DACH2: variants seen among roughly 807,000 people sequenced by gnomAD.
DACH2 encodes the protein dachshund family transcription factor 2.
A neutral mutation model predicts 35.8 loss-of-function variants in DACH2; 17 were observed. That is an observed-to-expected ratio of 0.48 (90% CI 0.33 to 0.71). The LOEUF (loss-of-function observed/expected upper bound fraction) is 0.71, where lower values mean the gene tolerates loss of function less well. Among genes scored for constraint, DACH2 ranks in the 30% least tolerant of loss-of-function variants. The pLI, the probability that DACH2 is intolerant of heterozygous loss-of-function variation, is 0.02. For synonymous variants in DACH2, 195 were observed against 177.3 expected (o/e 1.10, Z -0.79); for missense variants, 469 against 472.7 (o/e 0.99, Z 0.07).
chrX:86,771,085 GT>G (rs1358632400), intron 7 of DACH2, among the ~76,000 whole-genome samples: 4 of 113,068 alleles, frequency 3.5e-5, no homozygotes, highest in Non-Finnish European at 7.5e-5. Context: ...ATCTCACATG[GT>G]TTGCTTAAAA....
intron 1 of DACH2, among the ~76,000 whole-genome samples, chrX:86,375,712 C>A (rs2035954506): frequency 1.9e-5 from 2 of 108,052 alleles, no homozygotes. Context: ...ACTCTTACCT[C>A]CTCTCCCCAG....
intron 2 of DACH2, among the ~76,000 whole-genome samples, chrX:86,466,552 A>G (rs1037894985): frequency 9.0e-6 from 1 of 111,696 alleles, no homozygotes; most frequent in Non-Finnish European, 1.9e-5. Flanking sequence ...GCATTAACCT[A>G]GAAGTCCACA....
intron 3 of DACH2, among the ~76,000 whole-genome samples, chrX:86,567,050 GT>G (rs1341590282): frequency 1.8e-5 from 2 of 111,487 alleles, no homozygotes; most frequent in African/African-American, 6.5e-5. Context: ...ATATTTCAGT[GT>G]GGTGTATTTC....
At chrX:86,429,710 G>T (rs1228680067) in intron 2 of DACH2, among the ~76,000 whole-genome samples, 1 of 109,947 alleles carries the variant, frequency 9.1e-6, no homozygotes. Context: ...ACGGGTGTGT[G>T]CACCAGGACA....
At chrX:86,231,115 C>T (rs1053254232) in intron 1 of DACH2, among the ~76,000 whole-genome samples, 4 of 112,038 alleles carry the variant, frequency 3.6e-5, no homozygotes, top group South Asian at 3.7e-4. Context: ...TTGATGTAGG[C>T]GTTAGGGCTA....
intron 1 of DACH2, among the ~76,000 whole-genome samples, chrX:86,230,567 A>T (rs1388207031): frequency 9.0e-6 from 1 of 110,528 alleles, no homozygotes; most frequent in Non-Finnish European, 1.9e-5. Context: ...ATTAGTACCA[A>T]TTTTTCTTTG....
intron 4 of DACH2, among the ~76,000 whole-genome samples, chrX:86,653,462 G>A (rs2040501791): frequency 9.0e-6 from 1 of 110,874 alleles, no homozygotes; most frequent in Non-Finnish European, 1.9e-5. Context: ...TGGGGAGCAT[G>A]AACCTCCCTG....
chrX:86,219,804 C>T (rs1244255835), intron 1 of DACH2, among the ~76,000 whole-genome samples: 1 of 109,531 alleles, frequency 9.1e-6, no homozygotes, highest in Non-Finnish European at 1.9e-5. Flanking sequence ...GATTTGAACA[C>T]ATGCACCCAT....
At chrX:86,754,023 T>G (rs1272607192) in intron 7 of DACH2, among the ~76,000 whole-genome samples, 3 of 110,613 alleles carry the variant, frequency 2.7e-5, no homozygotes, top group Non-Finnish European at 5.7e-5. Flanking sequence ...TAGATTTAGA[T>G]CCGTAACTAT....
chrX:86,799,663 G>C (rs767907754), intron 7 of DACH2, among the ~76,000 whole-genome samples: 1 of 112,039 alleles, frequency 8.9e-6, no homozygotes, highest in East Asian at 2.8e-4. Context: ...TCTTTTGTCT[G>C]GTTATTAGGA....
At chrX:86,228,693 T>G (rs1480082284) in intron 1 of DACH2, among the ~76,000 whole-genome samples, 1 of 111,677 alleles carries the variant, frequency 9.0e-6, no homozygotes, top group African/African-American at 3.3e-5. Flanking sequence ...GTGGTTTTGA[T>G]TTGCATTTTC....
At chrX:86,533,704 A>G (rs2038757152) in intron 3 of DACH2, among the ~76,000 whole-genome samples, 1 of 112,103 alleles carries the variant, frequency 8.9e-6, no homozygotes, top group Admixed American at 9.5e-5. Context: ...ATTTTCCCCA[A>G]TTTATTAGGA....
intron 7 of DACH2, among the ~76,000 whole-genome samples, chrX:86,791,312 AAAG>A (rs1421887802): frequency 8.9e-6 from 1 of 112,102 alleles, no homozygotes; most frequent in Non-Finnish European, 1.9e-5. Context: ...AACACTACTT[AAAG>A]AAATGATCTC....
At chrX:86,499,595 T>C (rs1416315190) in intron 2 of DACH2, among the ~76,000 whole-genome samples, 1 of 111,960 alleles carries the variant, frequency 8.9e-6, no homozygotes, top group African/African-American at 3.3e-5. Flanking sequence ...CCCATGCATC[T>C]ATGCTCATTT....
intron 1 of DACH2, among the ~76,000 whole-genome samples, chrX:86,314,366 A>AAATT (rs2034856464): frequency 9.0e-6 from 1 of 110,713 alleles, no homozygotes. Flanking sequence ...AAAAATTAAA[A>AAATT]AATTAGCTGA....
chrX:86,570,489 C>T lies in DACH2; in HGVS notation c.640+56098C>T, dbSNP rs756096104. Among the ~76,000 whole-genome samples the T allele has an allele frequency of 6.6e-3, 732 of 111,142 alleles. 3 individuals carry two copies. The highest frequency in any genetic ancestry group is 0.011 in the Non-Finnish European group (591 of 52,976). On this transcript the variant is annotated intron_variant, in intron 3 of 11. Coordinates refer to ENST00000373125, the MANE Select transcript of DACH2 (RefSeq NM_053281.3). ...TATCCTCTGCAAACTAATGCAGGAA[C>T]GGAAAACGAAATACCACCTGTTCTC...
intron 4 of DACH2, among the ~76,000 whole-genome samples, chrX:86,691,177 A>T (rs779747707): frequency 1.2e-4 from 13 of 111,499 alleles, no homozygotes; most frequent in Non-Finnish European, 2.5e-4. Flanking sequence ...ATTCCCTCAC[A>T]AAGCTAGTAT....
chrX:86,466,655 G>T (rs906354598), intron 2 of DACH2, among the ~76,000 whole-genome samples: 1 of 112,075 alleles, frequency 8.9e-6, no homozygotes, highest in East Asian at 2.8e-4. Context: ...TACAATGGGG[G>T]TATAGGTATT....
chrX:86,341,169 A>T (rs1015457641), intron 1 of DACH2, among the ~76,000 whole-genome samples: 1 of 112,097 alleles, frequency 8.9e-6, no homozygotes, highest in Non-Finnish European at 1.9e-5. Flanking sequence ...GGGAAAACAT[A>T]CTGTCTAGAA....
Sources: gnomAD v4.1 joint callset for allele counts (sites outside exome capture counted in the v4.1 genomes callset) on GRCh38, gnomAD v4.1.1 for gene constraint, MANE v1.5 for transcripts, NCBI Gene and HGNC (gene_info 2026-07-23, HGNC 2026-07-21) for gene names.